Variants in EML1 observed in about 807,000 individuals in gnomAD.
EML1 encodes the protein EMAP like 1, also known as echinoderm microtubule-associated protein-like 1.
In EML1, 27 loss-of-function variants were observed where a neutral mutation model predicts 110.4. The observed-to-expected ratio is 0.24, with a 90% CI of 0.18 to 0.34. The LOEUF (loss-of-function observed/expected upper bound fraction) is 0.34, where lower values mean the gene tolerates loss of function less well. EML1 is among the 10% of genes least tolerant of loss of function. The probability of loss-of-function intolerance (pLI) is 1.00; values close to 1 mark genes in which losing one functional copy is unlikely to be tolerated. For missense variants in EML1, 741 were observed against 1,030.9 expected, an observed-to-expected ratio of 0.72 and a Z score of 3.85; for synonymous variants, 344 against 385.8, an observed-to-expected ratio of 0.89 and a Z score of 1.27.
intron 1 of EML1, among the ~76,000 whole-genome samples, chr14:99,775,708 C>T (rs1406193791): frequency 6.6e-6 from 1 of 152,120 alleles, no homozygotes; most frequent in African/African-American, 2.4e-5. Flanking sequence ...GTGGAAGCTA[C>T]GTTTTCATGA....
At chr14:99,770,947 G>T (rs1328827756), upstream of EML1, among the ~76,000 whole-genome samples, 1 of 151,898 alleles carries the variant, frequency 6.6e-6, no homozygotes, top group Non-Finnish European at 1.5e-5. Flanking sequence ...ACTACGCCCA[G>T]CTAATTTTTT....
intron 17 of EML1, among the ~76,000 whole-genome samples, chr14:99,922,915 T>C (rs1421663568): frequency 2.0e-5 from 3 of 152,196 alleles, no homozygotes; most frequent in Non-Finnish European, 4.4e-5. Flanking sequence ...TTTGCAAATA[T>C]TTTTTCTGAA....
intron 1 of EML1, among the ~76,000 whole-genome samples, chr14:99,761,924 CAAAAA>C (rs35254638): frequency 7.9e-6 from 1 of 127,344 alleles, no homozygotes; most frequent in Admixed American, 7.9e-5. Context: ...GACTCTGTCT[CAAAAA>C]AAAAAAAAAA....
intron 1 of EML1, among the ~76,000 whole-genome samples, chr14:99,779,270 T>C (rs1215806094): frequency 6.6e-6 from 1 of 152,200 alleles, no homozygotes; most frequent in Non-Finnish European, 1.5e-5. Context: ...ACTCTATCAG[T>C]AGACATTGCT....
rs144971212 is a variant in EML1, at chr14:99,888,978, T to G, written c.519-2221T>G. Among the ~76,000 whole-genome samples the G allele has an allele frequency of 1.7e-4, 26 of 152,048 alleles. No homozygotes were observed. In the East Asian group the frequency reaches 4.8e-3, roughly 28 times the overall value. ...CACTCCGCTTTTCCCCAGACTTCCG[T>G]GAGTGTGCATGGTGGATTGGGAGCC... is the stretch of plus-strand genomic sequence containing the variant. On this transcript the variant is annotated intron_variant, in intron 4 of 21. Coordinates refer to ENST00000262233, the MANE Select transcript of EML1 (RefSeq NM_004434.3).
intron 16 of EML1, among the ~76,000 whole-genome samples, chr14:99,919,691 A>G (rs769653777): frequency 3.3e-5 from 5 of 152,188 alleles, no homozygotes; most frequent in Admixed American, 6.5e-5. Context: ...GTCCTAGGTT[A>G]GGCTTAGCTC....
chr14:99,751,503 A>T (rs145800302), intron 1 of EML1, among the ~76,000 whole-genome samples: 1 of 152,272 alleles, frequency 6.6e-6, no homozygotes, highest in East Asian at 1.9e-4. Flanking sequence ...GGGAGGTGTC[A>T]TGCAGAAAAC....
chr14:99,871,361 T>C (rs1043882148), intron 3 of EML1, among the ~76,000 whole-genome samples: 4 of 152,042 alleles, frequency 2.6e-5, no homozygotes, highest in Non-Finnish European at 5.9e-5. Context: ...TAAGAACATT[T>C]GTGGGGCCAA....
chr14:99,932,111 AG>A (rs1420703192), intron 17 of EML1, among the ~76,000 whole-genome samples: 1 of 152,116 alleles, frequency 6.6e-6, no homozygotes, highest in African/African-American at 2.4e-5. Flanking sequence ...AAGGAAGATT[AG>A]GGCCTCCTGG....
At position 99,914,686 on chromosome 14, in the gene EML1, A is replaced by G; in HGVS notation, c.1741A>G (p.Lys581Glu). 1 of 1,605,730 alleles carries G rather than the reference A, an allele frequency of 6.2e-7. No homozygotes were observed. The highest frequency in any genetic ancestry group is 1.8e-5 in the Admixed American group (1 of 57,070). The change falls in exon 15 of 22, where the codon AAA (lysine) becomes GAA (glutamate). Residue 581 changes from lysine (K) to glutamate (E), a missense_variant. This residue lies in a region of EML1 where 388 missense variants were observed against 605.6 expected (regional missense o/e 0.64). Coordinates refer to ENST00000262233, the MANE Select transcript of EML1 (RefSeq NM_004434.3). Reference protein sequence around the residue: ...DAVGHRPVWDKIIEDPAQSSG... With the variant: ...DAVGHRPVWDEIIEDPAQSSG... ...TGTGGGTCACCGTCCCGTCTGGGAC[A>G]AAATAATAGAGGTAAACATGCACAT...
At chr14:99,853,556 G>A (rs1173140286) in intron 2 of EML1, among the ~76,000 whole-genome samples, 2 of 152,196 alleles carry the variant, frequency 1.3e-5, no homozygotes, top group Non-Finnish European at 2.9e-5. Context: ...AGTCTTTTAG[G>A]CAAGATGGAT....
At chr14:99,812,435 G>A (rs1399995935) in intron 1 of EML1, among the ~76,000 whole-genome samples, 1 of 151,874 alleles carries the variant, frequency 6.6e-6, no homozygotes, top group Non-Finnish European at 1.5e-5. Flanking sequence ...TCCAGGTGAC[G>A]ATGCTTTTTT....
At chr14:99,915,737 C>A (rs1240311286) in intron 15 of EML1, among the ~76,000 whole-genome samples, 1 of 152,136 alleles carries the variant, frequency 6.6e-6, no homozygotes, top group East Asian at 1.9e-4. Context: ...TGGTTCTTTC[C>A]ACTGCATTGC....
At chr14:99,814,376 A>G (rs2058132109) in intron 1 of EML1, among the ~76,000 whole-genome samples, 2 of 152,122 alleles carry the variant, frequency 1.3e-5, no homozygotes, top group Admixed American at 6.5e-5. Flanking sequence ...CCTGGGCTCA[A>G]GCAATCCTCA....
chr14:99,747,187 CAAAA>C (rs35376029), intron 1 of EML1, among the ~76,000 whole-genome samples: 11 of 95,576 alleles, frequency 1.2e-4, no homozygotes, highest in Non-Finnish European at 1.9e-4. Context: ...GACCCCGTCT[CAAAA>C]AAAAAAAAAA....
rs958920103 is a variant in EML1, at chr14:99,811,886, A to G, written c.67+18343A>G. 2.0e-5 allele frequency among the ~76,000 whole-genome samples: 3 copies of G among 151,838 alleles called. No homozygotes were observed. In the East Asian group the frequency reaches 5.8e-4, roughly 29 times the overall value. ...ATCATAAGGAAGAGAAAATACATGT[A>G]CTATTCATAAGTGGCAGTGGATCAT... On this transcript the variant is annotated intron_variant, in intron 1 of 21. Coordinates refer to ENST00000262233, the MANE Select transcript of EML1 (RefSeq NM_004434.3).
intron 5 of EML1, among the ~76,000 whole-genome samples, chr14:99,892,615 G>A (rs1201841024): frequency 6.6e-6 from 1 of 152,192 alleles, no homozygotes; most frequent in Non-Finnish European, 1.5e-5. Flanking sequence ...GATTTTAGAT[G>A]TAGCCTGTCT....
rs190385569 is a variant in EML1, at chr14:99,932,482, C to T, written c.1910-3547C>T. ...GTGAAACCCATCTCTACTAAAAATA[C>T]GAAATAATTAGCCAGACGCGGTGGC... On this transcript the variant is annotated intron_variant, in intron 17 of 21. Transcript: ENST00000262233. Among the ~76,000 whole-genome samples the T allele has an allele frequency of 2.2e-3, 333 of 151,744 alleles. 2 individuals are homozygous for T. Among genetic ancestry groups the T allele is most frequent in the East Asian group, 0.018 (94 of 5,126 alleles).
chr14:99,854,778 T>C (rs544919677), intron 2 of EML1, among the ~76,000 whole-genome samples: 2 of 152,168 alleles, frequency 1.3e-5, no homozygotes, highest in Admixed American at 6.5e-5. Context: ...TGGATTACCA[T>C]GTAGTGGAGA....
Sources: gnomAD v4.1 joint callset for allele counts (sites outside exome capture counted in the v4.1 genomes callset) on GRCh38, gnomAD v4.1.1 for gene constraint, gnomAD v4.1.1 regional missense constraint, MANE v1.5 for transcripts, NCBI Gene and HGNC (gene_info 2026-07-23, HGNC 2026-07-21) for gene names.